CEP128: variants seen among roughly 807,000 people sequenced by gnomAD.
CEP128 encodes the protein centrosomal protein 128kDa.
A neutral mutation model predicts 156.7 loss-of-function variants in CEP128; 132 were observed. The ratio of observed to expected loss-of-function variants is 0.84; its 90% CI spans 0.73 to 0.97. CEP128 has a LOEUF of 0.97. Among genes scored for constraint, CEP128 ranks in the 50% least tolerant of loss-of-function variants. The pLI is 0.00. For missense variants in CEP128, 1,252 were observed against 1,281.9 expected (o/e 0.98, Z 0.36); for synonymous variants, 469 against 448.9 (o/e 1.04, Z -0.57).
intron 19 of CEP128, among the ~76,000 whole-genome samples, chr14:80,660,602 A>G (rs1321037736): frequency 1.3e-5 from 2 of 152,176 alleles, no homozygotes; most frequent in African/African-American, 4.8e-5. Context: ...TACCTTGTTG[A>G]GTGAAAAGCT....
chr14:80,664,177 G>A (rs1177378289), intron 19 of CEP128, among the ~76,000 whole-genome samples: 2 of 152,106 alleles, frequency 1.3e-5, no homozygotes, highest in African/African-American at 4.8e-5. Context: ...CTAAAAATCA[G>A]AAATAGGAGA....
intron 18 of CEP128, among the ~76,000 whole-genome samples, chr14:80,748,994 G>A (rs1438583962): frequency 6.6e-6 from 1 of 152,124 alleles, no homozygotes; most frequent in Non-Finnish European, 1.5e-5. Context: ...AACATCAGGA[G>A]TAGTCAGACA....
chr14:80,616,134 G>A (rs1893202701), intron 19 of CEP128, among the ~76,000 whole-genome samples: 2 of 152,136 alleles, frequency 1.3e-5, no homozygotes, highest in South Asian at 2.1e-4. Context: ...AGACAGCTGC[G>A]TCTCTCATAT....
intron 2 of CEP128, among the ~76,000 whole-genome samples, chr14:80,950,552 A>G (rs1886440788): frequency 6.6e-6 from 1 of 152,182 alleles, no homozygotes; most frequent in African/African-American, 2.4e-5. Context: ...AAAAAAGAAT[A>G]CTGAATTTGA....
intron 6 of CEP128, among the ~76,000 whole-genome samples, chr14:80,902,402 A>C (rs1338755345): frequency 1.3e-5 from 2 of 152,214 alleles, no homozygotes; most frequent in African/African-American, 4.8e-5. Flanking sequence ...AAAATAACAT[A>C]GTCAAGGAAA....
intron 19 of CEP128, among the ~76,000 whole-genome samples, chr14:80,662,910 C>T (rs563991977): frequency 3.9e-5 from 6 of 152,252 alleles, no homozygotes; most frequent in Non-Finnish European, 7.4e-5. Context: ...GAAATGTGGC[C>T]AGTGCAACTG....
intron 13 of CEP128, among the ~76,000 whole-genome samples, chr14:80,814,027 T>A (rs1438506530): frequency 6.6e-6 from 1 of 152,200 alleles, no homozygotes; most frequent in Non-Finnish European, 1.5e-5. Context: ...TGAAATATGT[T>A]TCTATTCTTC....
At chr14:80,810,583 T>C (rs1566642788) in intron 13 of CEP128, among the ~76,000 whole-genome samples, 1 of 152,144 alleles carries the variant, frequency 6.6e-6, no homozygotes, top group Non-Finnish European at 1.5e-5. Flanking sequence ...ATCAGGAATG[T>C]TGGCCTGTAG....
intron 21 of CEP128, among the ~76,000 whole-genome samples, chr14:80,553,787 A>G (rs1274186998): frequency 6.6e-6 from 1 of 152,206 alleles, no homozygotes; most frequent in Non-Finnish European, 1.5e-5. Context: ...AGAAATTGCT[A>G]AACTCTGTAT....
intron 16 of CEP128, among the ~76,000 whole-genome samples, chr14:80,777,056 G>A (rs1255778555): frequency 6.6e-6 from 1 of 152,154 alleles, no homozygotes; most frequent in Non-Finnish European, 1.5e-5. Context: ...TAGTTACAGT[G>A]CCTACCTACC....
rs77702488 is a variant in CEP128, at chr14:80,729,682, G to A, written c.2806+13393C>T. Among the ~76,000 whole-genome samples, 45 of 152,102 alleles carry A rather than the reference G, an allele frequency of 3.0e-4. No homozygotes were observed. The East Asian group carries it at 6.2e-3, about 21-fold the overall frequency. The stretch of plus-strand genomic sequence containing the variant: ...AAAGTGTTCTCTTTTCATCACATCC[G>A]TGCCAACATCTATTTTCTTTTTGAT... On this transcript the variant is annotated intron_variant, in intron 19 of 24. Coordinates refer to ENST00000555265, the MANE Select transcript of CEP128 (RefSeq NM_152446.5).
intron 19 of CEP128, among the ~76,000 whole-genome samples, chr14:80,685,677 G>C (rs998883240): frequency 1.3e-5 from 2 of 152,084 alleles, no homozygotes; most frequent in African/African-American, 4.8e-5. Flanking sequence ...AAAGAACAAA[G>C]CTGGAGATAG....
chr14:80,540,530 G>C (rs746279589), intron 21 of CEP128, among the ~76,000 whole-genome samples: 1 of 152,206 alleles, frequency 6.6e-6, no homozygotes, highest in Non-Finnish European at 1.5e-5. Flanking sequence ...GATGTCTGGG[G>C]CAAGAGGTTT....
rs760159060 is a variant in CEP128, at chr14:80,862,852, G to A, written c.667C>T (p.Arg223Trp). The change falls in exon 9 of 25, where the codon CGG becomes TGG. Residue 223 changes from arginine (R) to tryptophan (W), a missense_variant. Coordinates refer to ENST00000555265, the MANE Select transcript of CEP128 (RefSeq NM_152446.5). ...QEVVSDRVER[R>W]LQELEREMRT... is the part of the protein sequence containing the mutation. ...ATCTCTCTCTCCAGTTCCTGAAGCC[G>A]CCGCTCCACCCGATCTGAAACCTTA... is the stretch of plus-strand genomic sequence containing the variant. 1.9e-6 allele frequency: 3 copies of A among 1,613,610 alleles called. No individual in the cohort carries two copies. Among genetic ancestry groups the A allele is most frequent in the Middle Eastern group, 1.6e-4 (1 of 6,084 alleles).
At position 80,785,315 on chromosome 14, in the gene CEP128, C is replaced by G. The variant is rs1372961881; in HGVS notation, c.1791G>C (p.Lys597Asn). 3.1e-6 allele frequency: 5 copies of G among 1,614,058 alleles called. No homozygotes were observed. The highest frequency in any genetic ancestry group is 1.7e-5 in the Admixed American group (1 of 60,000). ...TIHRLESELK[K>N]QSKIQSQMKV... ...TCATCTGGCTTTGGATCTTACTCTG[C>G]TTTTTCAATTCGCTCTCCAGTCTAT... is the stretch of plus-strand genomic sequence containing the variant. Residue 597 changes from lysine to asparagine, a missense_variant, in exon 15 of 25, where the codon AAG (lysine) becomes AAC (asparagine). Lys to Asn is a moderately conservative substitution (Grantham distance 94). Coordinates refer to ENST00000555265, the MANE Select transcript of CEP128 (RefSeq NM_152446.5).
upstream of CEP128, among the ~76,000 whole-genome samples, chr14:80,944,747 G>A (rs559102732): frequency 1.7e-3 from 236 of 138,934 alleles, 1 homozygote; most frequent in Admixed American, 3.2e-3. Context: ...GCGTAAACCC[G>A]GAAGGCAGAG....
chr14:80,508,441 T>A (rs914465073), intron 23 of CEP128, among the ~76,000 whole-genome samples: 4 of 152,170 alleles, frequency 2.6e-5, no homozygotes, highest in Non-Finnish European at 4.4e-5. Flanking sequence ...CGTTGATGAT[T>A]TCGTTTCCTA....
rs143337260 is a variant in CEP128, at chr14:80,927,805, C to T, written c.-15-11243G>A. ...TTTCACCATGGGCACCTCCTACTGG[C>T]CTGAAGCCTGAACTGTTCAACCCAG... On this transcript the variant is annotated intron_variant, in intron 2 of 24. Coordinates refer to ENST00000555265, the MANE Select transcript of CEP128 (RefSeq NM_152446.5). Among the ~76,000 whole-genome samples, 893 of 152,302 alleles carry T rather than the reference C, an allele frequency of 5.9e-3. 12 individuals are homozygous for T. Among genetic ancestry groups the T allele is most frequent in the South Asian group, 0.03 (143 of 4,818 alleles).
chr14:80,907,370 A>C (rs1036649065), intron 4 of CEP128, among the ~76,000 whole-genome samples: 1 of 152,120 alleles, frequency 6.6e-6, no homozygotes, highest in Non-Finnish European at 1.5e-5. Context: ...CCAGCCAGCT[A>C]TAAGATGCAG....
Sources: gnomAD v4.1 joint callset for allele counts (sites outside exome capture counted in the v4.1 genomes callset) on GRCh38, gnomAD v4.1.1 for gene constraint, MANE v1.5 for transcripts, NCBI Gene and HGNC (gene_info 2026-07-23, HGNC 2026-07-21) for gene names.